PRDM12: variants seen among roughly 807,000 people sequenced by gnomAD.
The protein encoded by PRDM12 is PR domain zinc finger protein 12.
Under a neutral mutation model 29.6 loss-of-function variants are expected in PRDM12, and 17 were observed. The observed-to-expected ratio is 0.57, with a 90% CI of 0.39 to 0.86. PRDM12 has a LOEUF of 0.86. PRDM12 is among the 40% of genes least tolerant of loss of function. The pLI is 0.00. For synonymous variants in PRDM12, 231 were observed against 225.8 expected, an observed-to-expected ratio of 1.02 and a Z score of -0.21; for missense variants, 422 against 510.8, an observed-to-expected ratio of 0.83 and a Z score of 1.68.
At chr9:130,678,440 C>G in intron 3 of PRDM12, 89 bp from the exon 4 acceptor site, 1 of 912,070 alleles carries the variant, frequency 1.1e-6, no homozygotes, top group Non-Finnish European at 1.7e-6. Flanking sequence ...GGGTCCGGGT[C>G]TCCTGGCTGT....
At chr9:130,670,928 T>G (rs1234611378) in intron 3 of PRDM12, among the ~76,000 whole-genome samples, 1 of 152,020 alleles carries the variant, frequency 6.6e-6, no homozygotes, top group Non-Finnish European at 1.5e-5. Flanking sequence ...TCAGGAAACA[T>G]GAATAGACAC....
At chr9:130,665,007 G>C in intron 1 of PRDM12, 131 bp downstream of exon 1, 2 of 937,056 alleles carry the variant, frequency 2.1e-6, no homozygotes, top group Non-Finnish European at 1.6e-6. Flanking sequence ...CTCTCCCGGC[G>C]CTCGGTGCAC....
chr9:130,680,632 A>ATATATATATATATAT (rs1246642229), intron 4 of PRDM12, among the ~76,000 whole-genome samples: 7 of 77,312 alleles, frequency 9.1e-5, no homozygotes, highest in Admixed American at 1.4e-4. Flanking sequence ...CTAAAAAAAA[A>ATATATATATATATAT]AAATATATAT....
At chr9:130,675,383 T>C (rs1055926599) in intron 3 of PRDM12, among the ~76,000 whole-genome samples, 2 of 152,032 alleles carry the variant, frequency 1.3e-5, no homozygotes, top group Admixed American at 1.3e-4. Flanking sequence ...GAATTGCGGG[T>C]ACCTGCATGA....
In PRDM12 at chr9:130,682,485, G is replaced by A. The variant is rs1168347822; in HGVS notation, c.*816G>A. Reference sequence around the variant, plus strand: ...TTGGACCAATGCCCCCTCCCCTTCAGCTGTGACATCGTGCCTGGGAAGGCG... The same window carrying A: ...TTGGACCAATGCCCCCTCCCCTTCAACTGTGACATCGTGCCTGGGAAGGCG... On this transcript the variant is annotated 3_prime_UTR_variant, in exon 5 of 5. Coordinates refer to ENST00000253008, the MANE Select transcript of PRDM12 (RefSeq NM_021619.3). This position sits in a 1 kb window ranked among gnomAD's most constrained non-coding sequence, Gnocchi z 4.2. 6.6e-6 allele frequency: 1 copy of A among 152,300 alleles called. No homozygotes were observed. Among genetic ancestry groups the A allele is most frequent in the Non-Finnish European group, 1.5e-5 (1 of 68,132 alleles). 9.4% of individuals were successfully genotyped at this position (152,300 alleles called of 1,614,324 possible). A position where few individuals can be genotyped will look rare whatever the true frequency, so the allele number is the denominator to read the frequency against.
In PRDM12 at chr9:130,674,453, G is replaced by A. The variant is rs1025362693; in HGVS notation, c.571-4076G>A. ...TGAGAGCCACCACACCCAAACTGTAGGCTCTTCTTAACTGATTTTCTTGCT... is the reference window on the plus strand; with the variant it reads ...TGAGAGCCACCACACCCAAACTGTAAGCTCTTCTTAACTGATTTTCTTGCT... On this transcript the variant is annotated intron_variant, in intron 3 of 4. Coordinates refer to ENST00000253008, the MANE Select transcript of PRDM12 (RefSeq NM_021619.3). Among the ~76,000 whole-genome samples, 2 of 150,024 alleles carry A rather than the reference G, an allele frequency of 1.3e-5. 1 individual carries two copies. The highest frequency in any genetic ancestry group is 1.3e-4 in the Admixed American group (2 of 15,008).
intron 3 of PRDM12, among the ~76,000 whole-genome samples, chr9:130,676,005 G>C (rs1190785309): frequency 3.3e-5 from 5 of 152,144 alleles, no homozygotes; most frequent in Admixed American, 3.3e-4. Context: ...AAGGCAGAGT[G>C]ACTTGCCTAA....
At chr9:130,670,491 G>T (rs1830780008) in intron 3 of PRDM12, among the ~76,000 whole-genome samples, 1 of 152,136 alleles carries the variant, frequency 6.6e-6, no homozygotes, top group African/African-American at 2.4e-5. Context: ...TCCTGAATTG[G>T]GTTTGAAGTG....
At chr9:130,678,890 T>C (rs993468950) in intron 4 of PRDM12, among the ~76,000 whole-genome samples, 1 of 151,772 alleles carries the variant, frequency 6.6e-6, no homozygotes, top group Non-Finnish European at 1.5e-5. Context: ...CTGGGGGGTA[T>C]GTGGGGGAGA....
At chr9:130,678,139 A>T (rs75686705) in intron 3 of PRDM12, among the ~76,000 whole-genome samples, 1 of 152,058 alleles carries the variant, frequency 6.6e-6, no homozygotes, top group African/African-American at 2.4e-5. Context: ...CCCTTCTTGG[A>T]AACATCTGGC....
chr9:130,678,503 A>T, intron 3 of PRDM12, 26 bp from the exon 4 acceptor site: 1 of 1,561,116 alleles, frequency 6.4e-7, no homozygotes, highest in East Asian at 2.3e-5. Context: ...GGCCTCCCTG[A>T]CCTCCTCTTG....
At chr9:130,678,306 G>A (rs866669194) in intron 3 of PRDM12, among the ~76,000 whole-genome samples, 6 of 151,918 alleles carry the variant, frequency 3.9e-5, no homozygotes, top group Non-Finnish European at 8.8e-5. Context: ...AGCTTGGACA[G>A]AGATGGCCTG....
intron 4 of PRDM12, among the ~76,000 whole-genome samples, chr9:130,679,891 G>C: frequency 6.6e-6 from 1 of 150,440 alleles, no homozygotes; most frequent in African/African-American, 2.4e-5. Context: ...GAACTCCTGG[G>C]CTCAAATGAT....
rs538915421 is a variant in PRDM12, at chr9:130,674,148, G to T, written c.571-4381G>T. ...TCCTGCCTCAGCCTCCCAAATAGCT[G>T]GGACTACAGGTACATGCCACCATAC... On this transcript the variant is annotated intron_variant, in intron 3 of 4. Coordinates refer to ENST00000253008, the MANE Select transcript of PRDM12 (RefSeq NM_021619.3). Among the ~76,000 whole-genome samples the T allele has an allele frequency of 1.7e-4, 26 of 151,410 alleles. No homozygotes were observed. The South Asian group carries it at 4.8e-3, about 28-fold the overall frequency.
Position 130,677,078 on chromosome 9 carries a change from C to T in PRDM12, c.571-1451C>T, listed in dbSNP as rs182736136. 4.1e-3 allele frequency among the ~76,000 whole-genome samples: 617 copies of T among 152,326 alleles called. 1 individual carries two copies. Among genetic ancestry groups the T allele is most frequent in the Non-Finnish European group, 6.4e-3 (432 of 68,018 alleles). On this transcript the variant is annotated intron_variant, in intron 3 of 4. Transcript: ENST00000253008. ...AGCTGGGACTACAGGCATGCGCCACCGCGCCTGGCTAATTTTTCTATTTTT... is the reference window on the plus strand; with the variant it reads ...AGCTGGGACTACAGGCATGCGCCACTGCGCCTGGCTAATTTTTCTATTTTT...
intron 3 of PRDM12, among the ~76,000 whole-genome samples, chr9:130,672,019 G>A (rs1461285848): frequency 6.6e-6 from 1 of 152,220 alleles, no homozygotes; most frequent in African/African-American, 2.4e-5. Flanking sequence ...GTCAGTGGAG[G>A]TTCCGCAGCA....
chr9:130,675,418 G>C (rs1333905993), intron 3 of PRDM12, among the ~76,000 whole-genome samples: 2 of 152,156 alleles, frequency 1.3e-5, no homozygotes, highest in African/African-American at 4.8e-5. Context: ...GAGCATTCGG[G>C]CCCAGCCTGT....
At chr9:130,676,421 A>G (rs868004371) in intron 3 of PRDM12, among the ~76,000 whole-genome samples, 114 of 152,108 alleles carry the variant, frequency 7.5e-4, no homozygotes, top group Non-Finnish European at 1.1e-3. Context: ...GCGTGAACCC[A>G]GGAGGTGGAG....
In PRDM12 at chr9:130,668,232, C is replaced by T. The variant is rs761384107; in HGVS notation, c.489C>T (p.Tyr163=). ...SQEDHRSWMT[Y]IKCARNEQEQ... is the part of the protein sequence containing the mutation. ...AGGACCACCGGAGCTGGATGACCTA[C>T]ATCAAGTGTGCACGTAACGAACAGG... is the stretch of plus-strand genomic sequence containing the variant. Residue 163 remains tyrosine (Y), a synonymous_variant, in exon 3 of 5, where the codon TAC becomes TAT. Transcript: ENST00000253008. This position sits in a 1 kb window ranked among gnomAD's most constrained non-coding sequence, Gnocchi z 4.0. 1 of 1,614,096 alleles carries T rather than the reference C, an allele frequency of 6.2e-7. No homozygotes were observed. Among genetic ancestry groups the T allele is most frequent in the African/African-American group, 1.3e-5 (1 of 74,926 alleles).
Sources: allele counts gnomAD v4.1 joint callset (sites outside exome capture counted in the v4.1 genomes callset), GRCh38; gene constraint gnomAD v4.1.1; non-coding constraint Gnocchi (gnomAD v3.1); transcripts MANE v1.5; gene names NCBI Gene and HGNC (gene_info 2026-07-23, HGNC 2026-07-21).